Variants in N4BP2 observed in about 807,000 individuals in gnomAD.
N4BP2 encodes NEDD4 binding protein 2, also known as NEDD4-binding protein 2.
Under a neutral mutation model 152.8 loss-of-function variants are expected in N4BP2, and 91 were observed. The ratio of observed to expected loss-of-function variants is 0.60; its 90% confidence interval spans 0.50 to 0.71. N4BP2 has a LOEUF of 0.71. Ranked by LOEUF, N4BP2 falls within the 30% of genes least tolerant of loss-of-function variation. The probability of loss-of-function intolerance (pLI) is 0.00; values close to 1 mark genes in which losing one functional copy is unlikely to be tolerated. For missense variants in N4BP2, 1,923 were observed against 2,059.1 expected, an observed-to-expected ratio of 0.93 and a Z score of 1.28; for synonymous variants, 646 against 705.3, an observed-to-expected ratio of 0.92 and a Z score of 1.33.
chr4:40,075,085 A>G (rs573934997), intron 2 of N4BP2, among the ~76,000 whole-genome samples: 1 of 152,180 alleles, frequency 6.6e-6, no homozygotes, highest in African/African-American at 2.4e-5. Flanking sequence ...CCATCCATAA[A>G]TATTTGTGCA....
intron 2 of N4BP2, among the ~76,000 whole-genome samples, chr4:40,080,025 C>T (rs545710396): frequency 9.9e-5 from 15 of 152,096 alleles, no homozygotes; most frequent in Middle Eastern, 3.4e-3. Context: ...TTCATTTGAG[C>T]CAGTCCATTC....
At chr4:40,084,889 A>G (rs1560579754) in intron 2 of N4BP2, among the ~76,000 whole-genome samples, 1 of 148,514 alleles carries the variant, frequency 6.7e-6, no homozygotes, top group Non-Finnish European at 1.5e-5. Flanking sequence ...TGCTGGGGTT[A>G]CAGGTGTGAG....
chr4:40,063,349 A>C (rs1360636149), intron 1 of N4BP2, among the ~76,000 whole-genome samples: 2 of 152,224 alleles, frequency 1.3e-5, no homozygotes, highest in Admixed American at 6.6e-5. Context: ...TACTCTGTGC[A>C]TACTGGCTTT....
At chr4:40,074,398 G>A (rs1351546348) in intron 2 of N4BP2, among the ~76,000 whole-genome samples, 1 of 113,538 alleles carries the variant, frequency 8.8e-6, no homozygotes, top group East Asian at 2.2e-4. Context: ...GCCCAGAGAT[G>A]GCGTTTTGTC....
At position 40,069,512 on chromosome 4, in the gene N4BP2, A is replaced by C. The variant is rs546116403; in HGVS notation, c.-211-3943A>C. On this transcript the variant is annotated intron_variant, in intron 1 of 17. Coordinates refer to ENST00000261435, the MANE Select transcript of N4BP2 (RefSeq NM_018177.6). ...TTTTCTTCTCGACATGTAAGGACAG[A>C]TAACCTATACATAACCTTTGAAATA... Among the ~76,000 whole-genome samples, 12 of 152,320 alleles carry C rather than the reference A, an allele frequency of 7.9e-5. No individual in the cohort carries two copies. In the South Asian group the frequency reaches 2.5e-3, roughly 32 times the overall value.
intron 2 of N4BP2, among the ~76,000 whole-genome samples, chr4:40,079,511 A>G (rs1409131283): frequency 6.6e-6 from 1 of 151,776 alleles, no homozygotes; most frequent in African/African-American, 2.4e-5. Flanking sequence ...CAGGCAAATA[A>G]TGTCAGTATT....
At chr4:40,083,075 T>C in intron 2 of N4BP2, 1 of 218,826 alleles carries the variant, frequency 4.6e-6, no homozygotes, top group Non-Finnish European at 9.4e-6. Context: ...GCCCACGCCC[T>C]GTGCCTGTTC....
At chr4:40,080,214 AAAT>A (rs1713214200) in intron 2 of N4BP2, among the ~76,000 whole-genome samples, 1 of 152,044 alleles carries the variant, frequency 6.6e-6, no homozygotes, top group Non-Finnish European at 1.5e-5. Flanking sequence ...TTAGATGATA[AAAT>A]AGTTAAACCT....
rs1721535382 is a variant in N4BP2, at chr4:40,155,562, G to A, written c.*1325G>A. The A allele has an allele frequency of 6.6e-6, 1 of 152,186 alleles. No individual in the cohort carries two copies. The highest frequency in any genetic ancestry group is 2.4e-5 in the African/African-American group (1 of 41,432). 9.4% of individuals were successfully genotyped at this position (152,186 alleles called of 1,614,324 possible). A position where few individuals can be genotyped will look rare whatever the true frequency, so the allele number is the denominator to read the frequency against. On this transcript the variant is annotated 3_prime_UTR_variant, in exon 18 of 18. Transcript: ENST00000261435. ...GTTAGCTAATAAATTCTGTTAGTAT[G>A]CAAGTTAAACCTGTGTAAAGGAGGT...
intron 13 of N4BP2, among the ~76,000 whole-genome samples, chr4:40,135,527 G>A (rs1719304996): frequency 6.6e-6 from 1 of 152,142 alleles, no homozygotes; most frequent in East Asian, 1.9e-4. Context: ...TCGCCACACT[G>A]ACTTCCACAG....
intron 16 of N4BP2, among the ~76,000 whole-genome samples, chr4:40,149,313 A>G (rs1242419437): frequency 6.6e-6 from 1 of 152,242 alleles, no homozygotes; most frequent in Non-Finnish European, 1.5e-5. Flanking sequence ...TTTGTGAAAG[A>G]TGAAGGCAGA....
At chr4:40,100,866 G>C (rs1329742589) in intron 3 of N4BP2, among the ~76,000 whole-genome samples, 1 of 152,174 alleles carries the variant, frequency 6.6e-6, no homozygotes, top group Non-Finnish European at 1.5e-5. Flanking sequence ...TCAGTGAGGT[G>C]ATGTGTATAA....
At chr4:40,159,871 A>AGTT (rs928186955), downstream of N4BP2, among the ~76,000 whole-genome samples, 17 of 151,890 alleles carry the variant, frequency 1.1e-4, no homozygotes, top group African/African-American at 3.9e-4. Flanking sequence ...AGGAAATCAC[A>AGTT]GTTGTTGTTG....
At chr4:40,085,305 G>A (rs979636206) in intron 2 of N4BP2, among the ~76,000 whole-genome samples, 2 of 152,158 alleles carry the variant, frequency 1.3e-5, no homozygotes, top group Admixed American at 1.3e-4. Flanking sequence ...CAAAGTGCTG[G>A]GATTACAGGC....
Position 40,096,173 on chromosome 4 carries a change from C to T in N4BP2, c.-114-1054C>T, listed in dbSNP as rs547147747. 2.0e-5 allele frequency among the ~76,000 whole-genome samples: 3 copies of T among 152,248 alleles called. No homozygotes were observed. In the East Asian group the frequency reaches 5.8e-4, roughly 29 times the overall value. Reference sequence around the variant, plus strand: ...AGTCCCTGCCCTTGTGGAGCTTACACTTTATTGGAATATGGGTGGTAAATA... The same window carrying T: ...AGTCCCTGCCCTTGTGGAGCTTACATTTTATTGGAATATGGGTGGTAAATA... On this transcript the variant is annotated intron_variant, in intron 2 of 17. Coordinates refer to ENST00000261435, the MANE Select transcript of N4BP2 (RefSeq NM_018177.6).
chr4:40,150,362 T>G (rs1164779200), intron 16 of N4BP2, among the ~76,000 whole-genome samples: 1 of 152,142 alleles, frequency 6.6e-6, no homozygotes, highest in Non-Finnish European at 1.5e-5. Flanking sequence ...TCAGCAAAAT[T>G]CAGATTGTGA....
Position 40,097,485 on chromosome 4 carries a change from G to C in N4BP2, c.145G>C (p.Glu49Gln). Residue 49 changes from glutamate to glutamine, a missense_variant, in exon 3 of 18, where the codon GAA (glutamate) becomes CAA (glutamine). Coordinates refer to ENST00000261435, the MANE Select transcript of N4BP2 (RefSeq NM_018177.6). ...SMGETKVDQE[E>Q]LFTSISEIFS... The stretch of plus-strand genomic sequence containing the variant: ...GGGTGAGACAAAAGTTGATCAGGAA[G>C]AACTCTTCACCAGTATCTCAGAGAT... The C allele has an allele frequency of 6.2e-7, 1 of 1,614,048 alleles. No individual in the cohort carries two copies. The highest frequency in any genetic ancestry group is 8.5e-7 in the Non-Finnish European group (1 of 1,179,926).
At chr4:40,139,828 CTT>C (rs1209677713) in intron 14 of N4BP2, among the ~76,000 whole-genome samples, 8 of 97,784 alleles carry the variant, frequency 8.2e-5, no homozygotes, top group Admixed American at 2.2e-4. Flanking sequence ...ATTTTTTTTT[CTT>C]TTTTTTTTTT....
At chr4:40,082,017 C>T (rs1054171032) in intron 2 of N4BP2, among the ~76,000 whole-genome samples, 1 of 152,184 alleles carries the variant, frequency 6.6e-6, no homozygotes, top group Non-Finnish European at 1.5e-5. Flanking sequence ...GAGGCTGAGA[C>T]AGGAGACTCG....
Sources: allele counts gnomAD v4.1 joint callset (sites outside exome capture counted in the v4.1 genomes callset), GRCh38; gene constraint gnomAD v4.1.1; transcripts MANE v1.5; gene names NCBI Gene and HGNC (gene_info 2026-07-23, HGNC 2026-07-21).